The following VWA3B variants were observed in gnomAD, a reference collection of about 807,000 sequenced individuals.
VWA3B encodes von Willebrand factor A domain-containing protein 3B.
In VWA3B, 138 loss-of-function variants were observed where a neutral mutation model predicts 158.3. The observed-to-expected ratio is 0.87, with a 90% CI of 0.76 to 1.00. VWA3B has a LOEUF of 1.00. VWA3B is among the 50% of genes least tolerant of loss of function. The pLI is 0.00. For synonymous variants in VWA3B, 596 were observed against 587.3 expected, an observed-to-expected ratio of 1.01 and a Z score of -0.21; for missense variants, 1,555 against 1,565.1, an observed-to-expected ratio of 0.99 and a Z score of 0.11.
intron 7 of VWA3B, among the ~76,000 whole-genome samples, chr2:98,162,410 A>C (rs1678687050): frequency 6.6e-6 from 1 of 152,164 alleles, no homozygotes; most frequent in African/African-American, 2.4e-5. Context: ...ATTGGGGGAA[A>C]TATTATACCT....
At chr2:98,277,087 C>T (rs1030764292) in intron 22 of VWA3B, among the ~76,000 whole-genome samples, 4 of 152,198 alleles carry the variant, frequency 2.6e-5, no homozygotes, top group African/African-American at 9.7e-5. Context: ...ACCTGCTCTG[C>T]CTGGCATCCT....
At chr2:98,258,306 GTTC>G (rs981309462) in intron 21 of VWA3B, among the ~76,000 whole-genome samples, 25 of 151,530 alleles carry the variant, frequency 1.6e-4, no homozygotes, top group African/African-American at 6.1e-4. Flanking sequence ...CTTCAACTTT[GTTC>G]TTCTATTTCA....
intron 7 of VWA3B, among the ~76,000 whole-genome samples, chr2:98,157,276 G>T (rs1678165395): frequency 7.2e-5 from 11 of 152,194 alleles, no homozygotes; most frequent in Admixed American, 7.2e-4. Context: ...TCCAGATGGT[G>T]AAATGACTCT....
intron 10 of VWA3B, among the ~76,000 whole-genome samples, chr2:98,192,010 G>A (rs976355982): frequency 2.6e-5 from 4 of 152,252 alleles, no homozygotes; most frequent in East Asian, 1.9e-4. Context: ...GACCACAGAC[G>A]CAGTCCTTCT....
rs1291872882 is a variant in VWA3B at position 98,176,251 on chromosome 2, CCCTT to C, written c.1115-4752_1115-4749del. ...GGTTTCCTTCCTTCTTTTCTCCCCT[CCCTT>C]CCTTCCTTCCTTTCTTCTGTCCTCC... On this transcript the variant is annotated intron_variant, in intron 8 of 27. Coordinates refer to ENST00000477737, the MANE Select transcript of VWA3B (RefSeq NM_144992.5). Among the ~76,000 whole-genome samples the C allele has an allele frequency of 4.0e-5, 6 of 151,562 alleles. No individual in the cohort carries two copies. In the East Asian group the frequency reaches 7.8e-4, roughly 20 times the overall value.
chr2:98,272,362 G>A (rs1342944449), intron 22 of VWA3B, among the ~76,000 whole-genome samples: 3 of 152,254 alleles, frequency 2.0e-5, no homozygotes, highest in Admixed American at 2.0e-4. Flanking sequence ...TGTGAGCGAT[G>A]CAGGAAGGGT....
chr2:98,188,164 C>A, intron 10 of VWA3B, 35 bp downstream of exon 10: 1 of 1,596,346 alleles, frequency 6.3e-7, no homozygotes, highest in South Asian at 1.1e-5. Flanking sequence ...CAAGTGGTCT[C>A]CTCGCTCTGG....
chr2:98,137,837 C>G (rs1559564512), intron 7 of VWA3B, among the ~76,000 whole-genome samples: 1 of 148,564 alleles, frequency 6.7e-6, no homozygotes, highest in Non-Finnish European at 1.5e-5. Flanking sequence ...TTGTTTCCAT[C>G]AAGATTAGGA....
At chr2:98,293,332 A>G (rs1395751017) in intron 23 of VWA3B, among the ~76,000 whole-genome samples, 1 of 152,240 alleles carries the variant, frequency 6.6e-6, no homozygotes, top group Non-Finnish European at 1.5e-5. Context: ...ATTTGAATTT[A>G]GTCATATAAG....
In VWA3B at chr2:98,194,252, G is replaced by A. The variant is rs1375133017; in HGVS notation, c.1606-109G>A. The A allele has an allele frequency of 7.9e-6, 9 of 1,144,856 alleles. No individual in the cohort carries two copies. The East Asian group carries it at 2.2e-4, about 28-fold the overall frequency. The allele number at this position is 1,144,856 out of a possible 1,614,324, so 70.9% of individuals were successfully genotyped here. A position where few individuals can be genotyped will look rare whatever the true frequency, so the allele number is the denominator to read the frequency against. ...TATTGAATATAATTTTTTGCTTCTTGAACTGAAAATAGAGACCATCATGAT... is the reference window on the plus strand; with the variant it reads ...TATTGAATATAATTTTTTGCTTCTTAAACTGAAAATAGAGACCATCATGAT... On this transcript the variant is annotated intron_variant, in intron 11 of 27. Transcript: ENST00000477737.
At chr2:98,256,031 T>C (rs1687112304) in intron 20 of VWA3B, 93 bp from the exon 21 acceptor site, 3 of 1,398,178 alleles carry the variant, frequency 2.1e-6, no homozygotes, top group African/African-American at 2.9e-5. Context: ...AGATGATGCT[T>C]AGATGGGCTC....
the VWA3B span, among the ~76,000 whole-genome samples, chr2:98,323,580 A>G: frequency 7.2e-3 from 1,089 of 152,266 alleles, 10 homozygotes; most frequent in African/African-American, 0.025. Flanking sequence ...AATAGATTCG[A>G]GAAGCCTAAG....
chr2:98,093,007 C>T (rs1395838513), intron 1 of VWA3B, 54 bp from the exon 2 acceptor site: 43 of 1,310,414 alleles, frequency 3.3e-5, no homozygotes, highest in South Asian at 7.0e-5. Flanking sequence ...CCCCTGTTGA[C>T]GTTAGATGAT....
At chr2:98,272,124 A>G (rs1471400771) in intron 22 of VWA3B, among the ~76,000 whole-genome samples, 1 of 152,168 alleles carries the variant, frequency 6.6e-6, no homozygotes, top group Non-Finnish European at 1.5e-5. Context: ...ATGACATCAG[A>G]TCCCACAGGT....
At chr2:98,188,261 T>C in intron 10 of VWA3B, 132 bp downstream of exon 10, 1 of 1,211,322 alleles carries the variant, frequency 8.3e-7, no homozygotes, top group Non-Finnish European at 1.1e-6. Context: ...TACAGAGTGA[T>C]ATTTAGGTGT....
chr2:98,219,428 A>AAAAAC (rs1684297395), intron 14 of VWA3B, among the ~76,000 whole-genome samples: 1 of 152,234 alleles, frequency 6.6e-6, no homozygotes, highest in Non-Finnish European at 1.5e-5. Context: ...ATTCAAATAA[A>AAAAAC]AAAAACAAAA....
At chr2:98,114,939 G>A (rs1285158504) in intron 2 of VWA3B, among the ~76,000 whole-genome samples, 2 of 152,134 alleles carry the variant, frequency 1.3e-5, no homozygotes, top group Admixed American at 6.5e-5. Flanking sequence ...AGAAAATCTT[G>A]TAGTTCTGAC....
intron 4 of VWA3B, 35 bp from the exon 5 acceptor site, chr2:98,121,264 A>T: frequency 6.2e-7 from 1 of 1,600,364 alleles, no homozygotes; most frequent in South Asian, 1.1e-5. Context: ...AGCACTGATC[A>T]CTGCCCAGTG....
chr2:98,223,124 A>T (rs1356177505), intron 14 of VWA3B, among the ~76,000 whole-genome samples: 2 of 152,214 alleles, frequency 1.3e-5, no homozygotes, highest in African/African-American at 4.8e-5. Flanking sequence ...ATCTCAGAAT[A>T]TAAGTAGGAA....
Sources: gnomAD v4.1 joint callset for allele counts (sites outside exome capture counted in the v4.1 genomes callset) on GRCh38, gnomAD v4.1.1 for gene constraint, MANE v1.5 for transcripts, NCBI Gene and HGNC (gene_info 2026-07-23, HGNC 2026-07-21) for gene names.